Variants in ASXL3 observed in about 807,000 individuals in gnomAD.
ASXL3 encodes the protein putative Polycomb group protein ASXL3.
A neutral mutation model predicts 170.6 loss-of-function variants in ASXL3; 34 were observed. The observed-to-expected ratio is 0.20, with a 90% CI of 0.15 to 0.27. The LOEUF is 0.27. Ranked by LOEUF, ASXL3 falls within the 10% of genes least tolerant of loss-of-function variation. The pLI, the probability that ASXL3 is intolerant of heterozygous loss-of-function variation, is 1.00. For synonymous variants in ASXL3, 1,002 were observed against 989.1 expected (o/e 1.01, Z -0.24); for missense variants, 2,592 against 2,695.3 (o/e 0.96, Z 0.85).
chr18:33,716,913 G>A (rs1599535878), intron 8 of ASXL3, among the ~76,000 whole-genome samples: 1 of 133,740 alleles, frequency 7.5e-6, no homozygotes, highest in Admixed American at 7.5e-5. Context: ...AAAAAAAAAA[G>A]TAATTGAGTG....
chr18:33,739,770 C>G lies in ASXL3; in HGVS notation c.2366C>G (p.Thr789Ser). 1 of 1,613,858 alleles carries G rather than the reference C, an allele frequency of 6.2e-7. No homozygotes were observed. The change falls in exon 11 of 12, where the codon ACT (threonine) becomes AGT (serine). Residue 789 changes from threonine (T) to serine (S), a missense_variant. This residue lies in a region of ASXL3 where 2,246 missense variants were observed against 2,219.6 expected (regional missense o/e 1.01). Coordinates refer to ENST00000269197, the MANE Select transcript of ASXL3 (RefSeq NM_030632.3). ...CCGCAGAAAGATGAGTCTTCCGCCA[C>G]TGCCAAACCTCTGGGAGAGAACCTT... ...LSPQKDESSATAKPLGENLTS... is the reference protein window; with the variant it reads ...LSPQKDESSASAKPLGENLTS...
chr18:33,695,658 C>A (rs928906578), intron 8 of ASXL3, among the ~76,000 whole-genome samples: 2 of 152,094 alleles, frequency 1.3e-5, no homozygotes, highest in Non-Finnish European at 2.9e-5. Context: ...ACTTACAGAG[C>A]TGATTCTAGT....
At chr18:33,701,221 G>A (rs2066868849) in intron 8 of ASXL3, among the ~76,000 whole-genome samples, 1 of 151,754 alleles carries the variant, frequency 6.6e-6, no homozygotes, top group African/African-American at 2.4e-5. Flanking sequence ...ATTTTTAGAA[G>A]TGTGAGTTCT....
intron 1 of ASXL3, among the ~76,000 whole-genome samples, chr18:33,603,728 AG>A (rs2065211258): frequency 6.6e-6 from 1 of 152,098 alleles, no homozygotes; most frequent in South Asian, 2.1e-4. Flanking sequence ...GTAGAAGTGA[AG>A]AAAAAAGAAA....
At chr18:33,673,607 C>T (rs28674845) in intron 7 of ASXL3, among the ~76,000 whole-genome samples, 22 of 152,128 alleles carry the variant, frequency 1.4e-4, no homozygotes, top group African/African-American at 5.3e-4. Flanking sequence ...CTCAGGTGAT[C>T]CGCCTGCCTT....
chr18:33,732,902 T>A (rs2067475622), intron 9 of ASXL3, among the ~76,000 whole-genome samples: 1 of 151,984 alleles, frequency 6.6e-6, no homozygotes, highest in South Asian at 2.1e-4. Context: ...AATTCCAATT[T>A]TCTGTTCTCA....
rs746695642 is a variant in ASXL3, at chr18:33,739,189, G to C, written c.1785G>C (p.Gln595His). 1.2e-6 allele frequency: 2 copies of C among 1,613,852 alleles called. No individual in the cohort carries two copies. Among genetic ancestry groups the C allele is most frequent in the Non-Finnish European group, 1.7e-6 (2 of 1,179,844 alleles). ...NEGIAIDMEL[Q>H]SDPEEQLSEN... ...GAATTGCTATAGATATGGAGCTACA[G>C]AGTGACCCTGAAGAACAGCTTTCAG... is the stretch of plus-strand genomic sequence containing the variant. The change falls in exon 11 of 12, where the codon CAG (glutamine) becomes CAC (histidine). Residue 595 changes from glutamine (Q) to histidine (H), a missense_variant. Coordinates refer to ENST00000269197, the MANE Select transcript of ASXL3 (RefSeq NM_030632.3).
At chr18:33,697,773 G>A (rs1467840382) in intron 8 of ASXL3, among the ~76,000 whole-genome samples, 1 of 151,984 alleles carries the variant, frequency 6.6e-6, no homozygotes, top group Admixed American at 6.6e-5. Flanking sequence ...AGAGGCCAAG[G>A]GGAAAGGATG....
At chr18:33,642,347 T>C (rs1370280396) in intron 2 of ASXL3, among the ~76,000 whole-genome samples, 21 of 151,942 alleles carry the variant, frequency 1.4e-4, no homozygotes. Context: ...CAGTTACCTT[T>C]TAATAAGCAT....
intron 8 of ASXL3, among the ~76,000 whole-genome samples, chr18:33,685,871 G>A (rs2066587585): frequency 6.6e-6 from 1 of 152,182 alleles, no homozygotes; most frequent in Admixed American, 6.5e-5. Context: ...AGACATTCAT[G>A]AGAGATCTGC....
chr18:33,714,460 T>G (rs2067131001), intron 8 of ASXL3, among the ~76,000 whole-genome samples: 2 of 152,212 alleles, frequency 1.3e-5, no homozygotes, highest in Non-Finnish European at 2.9e-5. Flanking sequence ...TTGCTCTACC[T>G]ATGCCATAGA....
At chr18:33,690,223 T>A (rs1472640192) in intron 8 of ASXL3, 3 of 152,142 alleles carry the variant, frequency 2.0e-5, no homozygotes, top group African/African-American at 7.2e-5. Flanking sequence ...GATCTTATAG[T>A]ATACTTTCTC....
intron 8 of ASXL3, among the ~76,000 whole-genome samples, chr18:33,688,616 A>G (rs1310197256): frequency 2.0e-5 from 3 of 152,204 alleles, no homozygotes; most frequent in Non-Finnish European, 4.4e-5. Flanking sequence ...AAATAGATAG[A>G]AAATAACAAA....
At chr18:33,636,804 T>A (rs2065773167) in intron 2 of ASXL3, among the ~76,000 whole-genome samples, 1 of 152,114 alleles carries the variant, frequency 6.6e-6, no homozygotes, top group South Asian at 2.1e-4. Context: ...TTGGATTTTT[T>A]TAAAAAAATT....
chr18:33,624,763 G>A (rs1339176133), intron 2 of ASXL3, among the ~76,000 whole-genome samples: 1 of 152,108 alleles, frequency 6.6e-6, no homozygotes, highest in Non-Finnish European at 1.5e-5. Context: ...CCAATTTGCT[G>A]TCTCTTAGGA....
Position 33,578,524 on chromosome 18 carries a change from G to C in ASXL3, c.-108G>C, listed in dbSNP as rs1252996440. 1.8e-6 allele frequency: 1 copy of C among 568,528 alleles called. No homozygotes were observed. Among genetic ancestry groups the C allele is most frequent in the African/African-American group, 2.2e-5 (1 of 44,652 alleles). 35.2% of individuals were successfully genotyped at this position (568,528 alleles called of 1,614,324 possible). A position where few individuals can be genotyped will look rare whatever the true frequency, so the allele number is the denominator to read the frequency against. ...CACCGCCCGCGCGCCTCCCCCCGCG[G>C]AGCGAGTGCGGGTCACCGGGTCACT... is the stretch of plus-strand genomic sequence containing the variant. On this transcript the variant is annotated 5_prime_UTR_variant, in exon 1 of 12. Transcript: ENST00000269197.
At chr18:33,622,204 C>G (rs2065525832) in intron 2 of ASXL3, among the ~76,000 whole-genome samples, 1 of 152,024 alleles carries the variant, frequency 6.6e-6, no homozygotes, top group Admixed American at 6.6e-5. Flanking sequence ...GCAGCTAAAT[C>G]CAATATAATT....
chr18:33,622,724 G>T (rs938952071), intron 2 of ASXL3, among the ~76,000 whole-genome samples: 8 of 152,086 alleles, frequency 5.3e-5, no homozygotes, highest in African/African-American at 1.9e-4. Flanking sequence ...TGGAAGAAGG[G>T]GCATGCATAG....
chr18:33,698,103 T>C (rs893011225), intron 8 of ASXL3, among the ~76,000 whole-genome samples: 1 of 152,124 alleles, frequency 6.6e-6, no homozygotes, highest in Non-Finnish European at 1.5e-5. Flanking sequence ...CAAGCTGATG[T>C]TATCAAGAGA....
Sources: allele counts gnomAD v4.1 joint callset (sites outside exome capture counted in the v4.1 genomes callset), GRCh38; gene constraint gnomAD v4.1.1; regional missense constraint gnomAD v4.1.1; transcripts MANE v1.5; gene names NCBI Gene and HGNC (gene_info 2026-07-23, HGNC 2026-07-21).